The following RAVER2 variants were observed in gnomAD, a reference collection of about 807,000 sequenced individuals.
RAVER2 encodes the protein ribonucleoprotein, PTB binding 2, also known as ribonucleoprotein PTB-binding 2.
Under a neutral mutation model 78.1 loss-of-function variants are expected in RAVER2, and 46 were observed. That is an observed-to-expected ratio of 0.59 (90% CI 0.46 to 0.75). The LOEUF (loss-of-function observed/expected upper bound fraction) is 0.75. Among genes scored for constraint, RAVER2 ranks in the 30% least tolerant of loss-of-function variants. RAVER2 has a pLI of 0.00. For synonymous variants in RAVER2, 311 were observed against 313.3 expected, an observed-to-expected ratio of 0.99 and a Z score of 0.08; for missense variants, 793 against 837.5, an observed-to-expected ratio of 0.95 and a Z score of 0.66.
chr1:64,770,910 G>A lies in RAVER2; in HGVS notation c.316+2188G>A, dbSNP rs191566735. On this transcript the variant is annotated intron_variant, in intron 2 of 11. Transcript: ENST00000294428. The stretch of plus-strand genomic sequence containing the variant: ...ATGAAACACAGAGAGAAAAAAGACT[G>A]TAAAACATGAACAGAGTATCAGTGA... Among the ~76,000 whole-genome samples, 141 of 151,976 alleles carry A rather than the reference G, an allele frequency of 9.3e-4. 1 individual carries two copies. Among genetic ancestry groups the A allele is most frequent in the African/African-American group, 3.3e-3 (137 of 41,504 alleles).
chr1:64,832,967 T>C (rs1654208998), exon 12 of RAVER2: 2 of 162,554 alleles, frequency 1.2e-5, no homozygotes, highest in African/African-American at 4.8e-5. Flanking sequence ...CAGGAAGAGG[T>C]TGAAGGAACT....
intron 5 of RAVER2, among the ~76,000 whole-genome samples, chr1:64,790,860 C>G (rs1287629067): frequency 6.6e-6 from 1 of 152,186 alleles, no homozygotes; most frequent in African/African-American, 2.4e-5. Context: ...CAATTCAATT[C>G]TAGCACTAAC....
intron 5 of RAVER2, among the ~76,000 whole-genome samples, chr1:64,792,061 A>G (rs566459635): frequency 6.6e-6 from 1 of 152,384 alleles, no homozygotes; most frequent in East Asian, 1.9e-4. Flanking sequence ...GACAATCCAT[A>G]TATTTAGAAA....
chr1:64,801,257 C>T (rs1249341329), intron 5 of RAVER2, among the ~76,000 whole-genome samples: 1 of 151,412 alleles, frequency 6.6e-6, no homozygotes, highest in Non-Finnish European at 1.5e-5. Context: ...TGCCACCATG[C>T]CTGGCTAATT....
chr1:64,807,038 C>T (rs898561284), intron 8 of RAVER2, among the ~76,000 whole-genome samples, 168 bp from the exon 9 acceptor site: 2 of 151,836 alleles, frequency 1.3e-5, no homozygotes, highest in African/African-American at 4.8e-5. Context: ...TTGTTTTTTT[C>T]ATAAAGGAAC....
At chr1:64,800,994 G>A (rs147609439) in intron 5 of RAVER2, among the ~76,000 whole-genome samples, 2 of 151,430 alleles carry the variant, frequency 1.3e-5, no homozygotes, top group East Asian at 3.9e-4. Context: ...ACCTTTCATA[G>A]TACAGTGTTT....
At chr1:64,812,162 T>C (rs1378007900) in intron 9 of RAVER2, among the ~76,000 whole-genome samples, 5 of 151,768 alleles carry the variant, frequency 3.3e-5, no homozygotes, top group African/African-American at 2.4e-5. Context: ...GAGTTCAAGA[T>C]CAGCCTGGCC....
exon 2 of RAVER2, chr1:64,768,682 T>C: frequency 6.4e-7 from 1 of 1,561,918 alleles, no homozygotes. Flanking sequence ...TAAAAGACTA[T>C]GACTTAAAAT....
chr1:64,764,311 A>C (rs555166609), intron 1 of RAVER2, among the ~76,000 whole-genome samples: 4 of 151,998 alleles, frequency 2.6e-5, no homozygotes, highest in Admixed American at 2.0e-4. Context: ...GGACAATACA[A>C]TTATGGTGTC....
intron 5 of RAVER2, among the ~76,000 whole-genome samples, chr1:64,790,324 A>AG (rs1342956344): frequency 1.3e-5 from 2 of 151,972 alleles, no homozygotes; most frequent in Non-Finnish European, 2.9e-5. Context: ...GCTATGAATT[A>AG]CCCCTCTGTC....
chr1:64,814,868 C>A, intron 11 of RAVER2, 28 bp downstream of exon 11: 1 of 1,478,210 alleles, frequency 6.8e-7, no homozygotes, highest in South Asian at 1.5e-5. Context: ...TCTGATGATA[C>A]TCAGAAAAAT....
At chr1:64,801,156 T>C (rs1653251914) in intron 5 of RAVER2, among the ~76,000 whole-genome samples, 1 of 151,550 alleles carries the variant, frequency 6.6e-6, no homozygotes, top group East Asian at 1.9e-4. Flanking sequence ...TGGAGTGTAA[T>C]GGCGTGATCT....
chr1:64,745,422 G>T lies in RAVER2; in HGVS notation c.249+1G>T. On this transcript the variant is annotated splice_donor_variant, in intron 1 of 11. Transcript: ENST00000294428. LOFTEE classifies it high-confidence loss of function. This position sits in a 1 kb window ranked among gnomAD's most constrained non-coding sequence, Gnocchi z 4.3. ...CCTGCCCCAGGACAGCAACTGCCAG[G>T]TACTGGGACGGTGATAGGGGCGACG... 6.5e-7 allele frequency: 1 copy of T among 1,529,906 alleles called. No homozygotes were observed. The highest frequency in any genetic ancestry group is 8.8e-7 in the Non-Finnish European group (1 of 1,134,844). The allele number at this position is 1,529,906 out of a possible 1,614,324, so 94.8% of individuals were successfully genotyped here.
At chr1:64,798,904 A>G (rs1653178893) in intron 5 of RAVER2, among the ~76,000 whole-genome samples, 1 of 152,200 alleles carries the variant, frequency 6.6e-6, no homozygotes. Flanking sequence ...CATATTAACC[A>G]CCTCAAACAT....
At chr1:64,782,739 C>T (rs1266584602) in intron 4 of RAVER2, among the ~76,000 whole-genome samples, 1 of 152,128 alleles carries the variant, frequency 6.6e-6, no homozygotes, top group Non-Finnish European at 1.5e-5. Flanking sequence ...TATGAGGATG[C>T]TTGGATGTAG....
intron 1 of RAVER2, among the ~76,000 whole-genome samples, chr1:64,763,268 G>T (rs761903470): frequency 2.0e-5 from 3 of 152,128 alleles, no homozygotes; most frequent in Non-Finnish European, 2.9e-5. Flanking sequence ...CTGCACTCCA[G>T]CCTGGGCGAC....
intron 1 of RAVER2, among the ~76,000 whole-genome samples, chr1:64,762,002 C>T (rs975442568): frequency 2.0e-5 from 3 of 151,940 alleles, no homozygotes; most frequent in Non-Finnish European, 4.4e-5. Flanking sequence ...GTAGTCCCAG[C>T]TACTCAGGAG....
chr1:64,801,557 G>C (rs1653266527), intron 5 of RAVER2, among the ~76,000 whole-genome samples: 1 of 144,328 alleles, frequency 6.9e-6, no homozygotes, highest in African/African-American at 2.6e-5. Context: ...AGTTTATTAA[G>C]AAAGGGAAGC....
intron 5 of RAVER2, among the ~76,000 whole-genome samples, chr1:64,801,379 G>A (rs957268486): frequency 1.3e-5 from 2 of 151,608 alleles, no homozygotes; most frequent in Non-Finnish European, 2.9e-5. Context: ...GATTACAGGC[G>A]TGAGCCACTG....
Sources: allele counts gnomAD v4.1 joint callset (sites outside exome capture counted in the v4.1 genomes callset), GRCh38; gene constraint gnomAD v4.1.1; non-coding constraint Gnocchi (gnomAD v3.1); transcripts MANE v1.5; gene names NCBI Gene and HGNC (gene_info 2026-07-23, HGNC 2026-07-21).